The following TCF12 variants were observed in gnomAD, a reference collection of about 807,000 sequenced individuals.
The protein encoded by TCF12 is DNA-binding protein HTF4.
Under a neutral mutation model 86.0 loss-of-function variants are expected in TCF12, and 45 were observed. The ratio of observed to expected loss-of-function variants is 0.52; its 90% CI spans 0.41 to 0.67. TCF12 has a LOEUF of 0.67. Ranked by LOEUF, TCF12 falls within the 30% of genes least tolerant of loss-of-function variation. The probability of loss-of-function intolerance (pLI) is 0.00; values close to 1 mark genes in which losing one functional copy is unlikely to be tolerated. For synonymous variants in TCF12, 330 were observed against 299.6 expected (o/e 1.10, Z -1.05); for missense variants, 881 against 859.9 (o/e 1.02, Z -0.31).
At chr15:57,143,140 CT>C (rs1253719226) in intron 5 of TCF12, among the ~76,000 whole-genome samples, 2 of 145,522 alleles carry the variant, frequency 1.4e-5, no homozygotes, top group Non-Finnish European at 3.0e-5. Context: ...ATATATACAC[CT>C]ATTACGTGCC....
chr15:56,970,669 T>A (rs765361365), intron 3 of TCF12, among the ~76,000 whole-genome samples: 2 of 152,026 alleles, frequency 1.3e-5, no homozygotes, highest in Non-Finnish European at 2.9e-5. Context: ...GAGGAAAGAC[T>A]GATACATTTG....
chr15:57,120,467 G>A (rs2051150846), intron 5 of TCF12, among the ~76,000 whole-genome samples: 2 of 152,186 alleles, frequency 1.3e-5, no homozygotes, highest in Non-Finnish European at 2.9e-5. Context: ...ACTGTAGATA[G>A]ATTACATGAT....
intron 5 of TCF12, among the ~76,000 whole-genome samples, chr15:57,137,988 T>C (rs2052676867): frequency 6.6e-6 from 1 of 151,906 alleles, no homozygotes; most frequent in South Asian, 2.1e-4. Context: ...GATAGCACCA[T>C]TGTGCACTCC....
chr15:57,186,259 C>T (rs1411433515), intron 6 of TCF12, among the ~76,000 whole-genome samples: 1 of 152,118 alleles, frequency 6.6e-6, no homozygotes, highest in African/African-American at 2.4e-5. Flanking sequence ...AGCACTTTGG[C>T]AGGCTGACGT....
chr15:57,140,484 A>G (rs1175121780), intron 5 of TCF12, among the ~76,000 whole-genome samples: 3 of 152,192 alleles, frequency 2.0e-5, no homozygotes, highest in Non-Finnish European at 2.9e-5. Context: ...ATCATGTGCT[A>G]AGTGTCAGAC....
chr15:56,944,499 A>G (rs1228482210), intron 3 of TCF12, among the ~76,000 whole-genome samples: 2 of 152,222 alleles, frequency 1.3e-5, no homozygotes, highest in African/African-American at 4.8e-5. Flanking sequence ...TAAGTCACTT[A>G]GTGGCCTTTA....
intron 5 of TCF12, among the ~76,000 whole-genome samples, chr15:57,107,072 A>G (rs1445087415): frequency 1.3e-5 from 2 of 152,254 alleles, no homozygotes; most frequent in African/African-American, 4.8e-5. Context: ...CATGAAGTCT[A>G]CACAATGAAG....
chr15:57,274,434 A>G (rs11857722), intron 19 of TCF12, among the ~76,000 whole-genome samples: 59,297 of 152,100 alleles, frequency 0.39, 14,477 homozygotes, highest in Non-Finnish European at 0.54. Context: ...GGTCCTTGAA[A>G]TATCTGTGGA....
At chr15:57,157,485 C>T (rs1406504380) in intron 5 of TCF12, among the ~76,000 whole-genome samples, 6 of 151,288 alleles carry the variant, frequency 4.0e-5, no homozygotes, top group Non-Finnish European at 8.8e-5. Context: ...TTAGAATATA[C>T]AACTGTTAAG....
chr15:57,038,303 C>G (rs908820191), intron 3 of TCF12, among the ~76,000 whole-genome samples: 2 of 151,872 alleles, frequency 1.3e-5, no homozygotes, highest in African/African-American at 4.8e-5. Context: ...GGGTGCCTGC[C>G]TGTGGTCCAA....
At chr15:57,086,912 G>A (rs1325891392) in intron 4 of TCF12, among the ~76,000 whole-genome samples, 2 of 152,002 alleles carry the variant, frequency 1.3e-5, no homozygotes, top group Admixed American at 1.3e-4. Context: ...TTTTAAATGA[G>A]CCGTTTTAAA....
intron 3 of TCF12, among the ~76,000 whole-genome samples, chr15:56,940,245 G>A (rs1193657473): frequency 1.3e-5 from 2 of 151,976 alleles, no homozygotes; most frequent in African/African-American, 4.8e-5. Flanking sequence ...AGCAGAAGAA[G>A]ATAGTCTTAT....
chr15:57,088,164 T>G (rs1292525521), intron 4 of TCF12, among the ~76,000 whole-genome samples: 1 of 152,238 alleles, frequency 6.6e-6, no homozygotes, highest in Non-Finnish European at 1.5e-5. Flanking sequence ...TTTTTGTTCT[T>G]TTCTTGTCAC....
At chr15:56,941,429 G>C (rs1029670530) in intron 3 of TCF12, among the ~76,000 whole-genome samples, 1 of 150,714 alleles carries the variant, frequency 6.6e-6, no homozygotes, top group African/African-American at 2.4e-5. Flanking sequence ...CTGGAGTACA[G>C]TGGTGTGATC....
At chr15:57,270,516 C>G (rs553865436) in intron 18 of TCF12, among the ~76,000 whole-genome samples, 3 of 152,266 alleles carry the variant, frequency 2.0e-5, no homozygotes, top group African/African-American at 7.2e-5. Context: ...GCTTCTTTAG[C>G]TTGGAGAACA....
At position 57,195,022 on chromosome 15, in the gene TCF12, C is replaced by G. The variant is rs561337075; in HGVS notation, c.526+2729C>G. Among the ~76,000 whole-genome samples, 473 of 152,254 alleles carry G rather than the reference C, an allele frequency of 3.1e-3. 2 individuals carry two copies. Among genetic ancestry groups the G allele is most frequent in the African/African-American group, 0.011 (452 of 41,560 alleles). On this transcript the variant is annotated intron_variant, in intron 7 of 20. Transcript: ENST00000333725. ...GGCTCAAGCGAGTCTCCTGCCTCAG[C>G]CTCCCGAGTAGCTGAGATTACAGGC...
chr15:57,098,009 C>CAAAA (rs72046243), intron 5 of TCF12, among the ~76,000 whole-genome samples: 3 of 48,414 alleles, frequency 6.2e-5, no homozygotes, highest in Admixed American at 2.6e-4. Context: ...TACAAAAATA[C>CAAAA]AAAAAAAAAA....
At chr15:57,197,046 G>C (rs1371103444) in intron 7 of TCF12, among the ~76,000 whole-genome samples, 2 of 151,410 alleles carry the variant, frequency 1.3e-5, no homozygotes, top group Non-Finnish European at 2.9e-5. Context: ...CACTAAATAT[G>C]ACTCTGCTAA....
chr15:56,973,727 C>T (rs142861185), intron 3 of TCF12, among the ~76,000 whole-genome samples: 1 of 152,118 alleles, frequency 6.6e-6, no homozygotes, highest in Non-Finnish European at 1.5e-5. Context: ...TCACAAGATA[C>T]TATTTCCAGA....
Sources: gnomAD v4.1 joint callset for allele counts (sites outside exome capture counted in the v4.1 genomes callset) on GRCh38, gnomAD v4.1.1 for gene constraint, MANE v1.5 for transcripts, NCBI Gene and HGNC (gene_info 2026-07-23, HGNC 2026-07-21) for gene names.